The following ZNF814 variants were observed in gnomAD, a reference collection of about 807,000 sequenced individuals.
ZNF814 encodes the protein zinc finger protein 814.
Under a neutral mutation model 7.5 loss-of-function variants are expected in ZNF814, and 5 were observed. The ratio of observed to expected loss-of-function variants is 0.67; its 90% CI spans 0.35 to 1.40. The LOEUF is 1.40. Among genes scored for constraint, ZNF814 ranks in the 40% most tolerant of loss-of-function variants. The pLI is 0.04. For synonymous variants in ZNF814, 315 were observed against 340.7 expected (o/e 0.92, Z 0.83); for missense variants, 962 against 1,018.0 (o/e 0.94, Z 0.75).
chr19:57,877,512 G>T (rs547068063), intron 1 of ZNF814, among the ~76,000 whole-genome samples: 1 of 151,954 alleles, frequency 6.6e-6, no homozygotes, highest in African/African-American at 2.4e-5. Context: ...GCATGATCTC[G>T]GCTCACTGCA....
At position 57,877,027 on chromosome 19, in the gene ZNF814, CA is replaced by C; in HGVS notation, c.51del (p.Phe17LeufsTer6). The C allele has an allele frequency of 6.2e-7, 1 of 1,614,096 alleles. No individual in the cohort carries two copies. The highest frequency in any genetic ancestry group is 8.5e-7 in the Non-Finnish European group (1 of 1,179,992). ...LRLSAQGTVTFEDVAVNFTWE... is the reference protein window; with the variant it reads ...LRLSAQGTVTXEDVAVNFTWE... ...CAGGTAAAGTTCACAGCCACATCTT[CA>C]AAAGTCACTGTGCCCTGTTATGATG... On this transcript the variant is annotated frameshift_variant, in exon 2 of 3. Coordinates refer to ENST00000435989, the MANE Select transcript of ZNF814 (RefSeq NM_001144989.2). LOFTEE classifies it high-confidence loss of function.
Position 57,874,069 on chromosome 19 carries a change from A to T in ZNF814, c.1321T>A (p.Cys441Ser). ...TGEKPYGCEECGKSFSSEGHL... is the reference protein window; with the variant it reads ...TGEKPYGCEESGKSFSSEGHL... ...CCTTCTGAACTAAAAGATTTCCCACATTCTTCACACCCATAAGGTTTTTCT... is the reference window on the plus strand; with the variant it reads ...CCTTCTGAACTAAAAGATTTCCCACTTTCTTCACACCCATAAGGTTTTTCT... Residue 441 changes from cysteine to serine, a missense_variant, in exon 3 of 3, where the codon TGT (cysteine) becomes AGT (serine). Cys to Ser is a moderately radical substitution (Grantham distance 112). Around this residue, in one of 7 missense-constraint regions of ZNF814, gnomAD observed 665 missense variants for 551.4 expected, o/e 1.21. Coordinates refer to ENST00000435989, the MANE Select transcript of ZNF814 (RefSeq NM_001144989.2). 1 of 1,608,438 alleles carries T rather than the reference A, an allele frequency of 6.2e-7. No homozygotes were observed.
At position 57,872,993 on chromosome 19, in the gene ZNF814, A is replaced by T. The variant is rs2071569114; in HGVS notation, c.2397T>A (p.Pro799=). The T allele has an allele frequency of 6.2e-7, 1 of 1,613,056 alleles. No individual in the cohort carries two copies. The highest frequency in any genetic ancestry group is 8.5e-7 in the Non-Finnish European group (1 of 1,179,736). Reference sequence around the variant, plus strand: ...ATTTTCCACATTCACTGCACTCATAAGGCTTTTCTCCAGTGTGAACTCTTT... The same window carrying T: ...ATTTTCCACATTCACTGCACTCATATGGCTTTTCTCCAGTGTGAACTCTTT... ...KHKRVHTGEK[P]YECSECGKSF... Residue 799 remains proline, a synonymous_variant, in exon 3 of 3, where the codon CCT becomes CCA. Transcript: ENST00000435989.
chr19:57,892,698 C>G (rs140647703), upstream of ZNF814, among the ~76,000 whole-genome samples: 1 of 152,224 alleles, frequency 6.6e-6, no homozygotes. Context: ...GATCCCCTTG[C>G]TACTGACAAG....
the ZNF814 span, among the ~76,000 whole-genome samples, chr19:57,898,445 T>A: frequency 5.2e-4 from 79 of 152,292 alleles, no homozygotes; most frequent in African/African-American, 1.8e-3. Context: ...TCGAACCGCA[T>A]TAGGGTATCA....
At chr19:57,892,317 G>C (rs1049381132), upstream of ZNF814, among the ~76,000 whole-genome samples, 1 of 152,188 alleles carries the variant, frequency 6.6e-6, no homozygotes, top group Admixed American at 6.5e-5. Context: ...TTGAGTGAGT[G>C]GGGTGCATAT....
At chr19:57,886,318 A>T (rs939374929) in intron 1 of ZNF814, among the ~76,000 whole-genome samples, 1 of 152,068 alleles carries the variant, frequency 6.6e-6, no homozygotes, top group Non-Finnish European at 1.5e-5. Context: ...TGCTTGTCTG[A>T]CCTGCATGCC....
In ZNF814 at chr19:57,875,399, C is replaced by A. The variant is rs536276283; in HGVS notation, c.164-173G>T. Among the ~76,000 whole-genome samples, 3 of 152,234 alleles carry A rather than the reference C, an allele frequency of 2.0e-5. No homozygotes were observed. In the East Asian group the frequency reaches 5.8e-4, roughly 29 times the overall value. ...TGTATTATTACTGGACTATAACGGT[C>A]ACAGAATGTAGGAGGCCTCATAAGT... On this transcript the variant is annotated intron_variant, in intron 2 of 2. Transcript: ENST00000435989.
chr19:57,878,435 A>C (rs10409034), intron 1 of ZNF814, among the ~76,000 whole-genome samples: 2,047 of 151,684 alleles, frequency 0.013, 42 homozygotes, highest in African/African-American at 0.047. Flanking sequence ...ATTGATCGAA[A>C]GGCTTCAGAG....
Position 57,873,178 on chromosome 19 carries a change from G to A in ZNF814, c.2212C>T (p.His738Tyr). The A allele has an allele frequency of 6.2e-7, 1 of 1,613,618 alleles. No individual in the cohort carries two copies. Residue 738 changes from histidine (H) to tyrosine (Y), a missense_variant, in exon 3 of 3, where the codon CAC becomes TAC. Physicochemically the swap from His to Tyr is moderately conservative, Grantham distance 83. Transcript: ENST00000435989. ...CATTCATAAGGCCTTTCTCCAGTGT[G>A]AACTCTCTGATGTGCAATGAGTTGG... ...KYQLIAHQRVHTGERPYECND... is the reference protein window; with the variant it reads ...KYQLIAHQRVYTGERPYECND...
chr19:57,894,694 C>T, the ZNF814 span, among the ~76,000 whole-genome samples: 3 of 151,400 alleles, frequency 2.0e-5, no homozygotes, highest in Non-Finnish European at 2.9e-5. Context: ...ATTAGCCGGG[C>T]GTGGTGGCGG....
the ZNF814 span, among the ~76,000 whole-genome samples, chr19:57,894,559 G>A: frequency 1.3e-5 from 2 of 152,074 alleles, no homozygotes; most frequent in African/African-American, 4.8e-5. Flanking sequence ...GCTGGGTGCA[G>A]TGGCTCACAC....
chr19:57,887,890 CT>C (rs2071706196), intron 1 of ZNF814, among the ~76,000 whole-genome samples: 1 of 152,178 alleles, frequency 6.6e-6, no homozygotes. Flanking sequence ...GGTACCTTGC[CT>C]TTTTGTAACC....
At chr19:57,890,376 G>A (rs2071728382), upstream of ZNF814, among the ~76,000 whole-genome samples, 1 of 152,082 alleles carries the variant, frequency 6.6e-6, no homozygotes, top group Admixed American at 6.6e-5. Context: ...TTTGTTTTCT[G>A]AGACAGAATT....
the ZNF814 span, among the ~76,000 whole-genome samples, chr19:57,899,813 C>A: frequency 6.6e-6 from 1 of 152,136 alleles, no homozygotes; most frequent in African/African-American, 2.4e-5. Flanking sequence ...CACAATACAA[C>A]CAAAACGCTT....
At chr19:57,893,945 A>C (rs1421367229), upstream of ZNF814, among the ~76,000 whole-genome samples, 1 of 146,180 alleles carries the variant, frequency 6.8e-6, no homozygotes, top group African/African-American at 2.6e-5. Context: ...TTAGTCGTGC[A>C]TGTTGGTGTG....
At position 57,873,568 on chromosome 19, in the gene ZNF814, C is replaced by T. The variant is rs753283892; in HGVS notation, c.1822G>A (p.Glu608Lys). The T allele has an allele frequency of 5.0e-6, 8 of 1,613,966 alleles. No individual in the cohort carries two copies. Among genetic ancestry groups the T allele is most frequent in the Middle Eastern group, 1.6e-4 (1 of 6,082 alleles). The change falls in exon 3 of 3, where the codon GAA becomes AAA. Residue 608 changes from glutamate (E) to lysine (K), a missense_variant. By Grantham distance (56) the Glu-to-Lys change is moderately conservative. Around this residue, in one of 7 missense-constraint regions of ZNF814, gnomAD observed 665 missense variants for 551.4 expected, o/e 1.21. Coordinates refer to ENST00000435989, the MANE Select transcript of ZNF814 (RefSeq NM_001144989.2). ...TTATGACTAAAAGATTTCCCACATT[C>T]TCCACACTCATAAGGCCTCTCTCCA... The part of the protein sequence containing the change: ...HTGERPYECG[E>K]CGKSFSHKRS...
At chr19:57,897,421 C>T in the ZNF814 span, among the ~76,000 whole-genome samples, 1 of 152,134 alleles carries the variant, frequency 6.6e-6, no homozygotes, top group Non-Finnish European at 1.5e-5. Context: ...AATCAAAAGG[C>T]AAAACTATTA....
chr19:57,898,161 C>T, the ZNF814 span, among the ~76,000 whole-genome samples: 1 of 152,160 alleles, frequency 6.6e-6, no homozygotes, highest in Non-Finnish European at 1.5e-5. Flanking sequence ...GGAGTAGGAG[C>T]TGCTTCAGAA....
Sources: gnomAD v4.1 joint callset for allele counts (sites outside exome capture counted in the v4.1 genomes callset) on GRCh38, gnomAD v4.1.1 for gene constraint, gnomAD v4.1.1 regional missense constraint, MANE v1.5 for transcripts, NCBI Gene and HGNC (gene_info 2026-07-23, HGNC 2026-07-21) for gene names.